ERBB4: variants seen among roughly 807,000 people sequenced by gnomAD.
ERBB4 encodes the protein erb-b2 receptor tyrosine kinase 4.
Under a neutral mutation model 158.0 loss-of-function variants are expected in ERBB4, and 42 were observed. The ratio of observed to expected loss-of-function variants is 0.27; its 90% CI spans 0.21 to 0.34. ERBB4 has a LOEUF of 0.34. Among genes scored for constraint, ERBB4 ranks in the 10% least tolerant of loss-of-function variants. The pLI, the probability that ERBB4 is intolerant of heterozygous loss-of-function variation, is 1.00. For synonymous variants in ERBB4, 583 were observed against 558.7 expected (o/e 1.04, Z -0.61); for missense variants, 1,333 against 1,624.1 (o/e 0.82, Z 3.08).
chr2:212,064,425 T>A (rs1001452707), intron 2 of ERBB4, among the ~76,000 whole-genome samples: 13 of 152,122 alleles, frequency 8.5e-5, no homozygotes, highest in African/African-American at 2.9e-4. Flanking sequence ...AGAAAGGAAC[T>A]GTGGCTGCTT....
chr2:212,050,004 A>G (rs2077358710), intron 2 of ERBB4, among the ~76,000 whole-genome samples: 1 of 152,174 alleles, frequency 6.6e-6, no homozygotes. Context: ...ACCTATACGA[A>G]TAGTGGTATT....
At chr2:211,732,191 G>A (rs1373042426) in intron 5 of ERBB4, among the ~76,000 whole-genome samples, 2 of 152,060 alleles carry the variant, frequency 1.3e-5, no homozygotes, top group Admixed American at 6.6e-5. Flanking sequence ...ATATTAAATT[G>A]CAGAAGAAAT....
intron 2 of ERBB4, among the ~76,000 whole-genome samples, chr2:211,963,168 C>T (rs939494954): frequency 2.6e-5 from 4 of 152,014 alleles, no homozygotes; most frequent in African/African-American, 7.2e-5. Flanking sequence ...AGACATCTGG[C>T]AATGTCTGGA....
Position 211,652,977 on chromosome 2 carries a change from A to C in ERBB4, c.1946+4777T>G, listed in dbSNP as rs80281216. On this transcript the variant is annotated intron_variant, in intron 16 of 27. Coordinates refer to ENST00000342788, the MANE Select transcript of ERBB4 (RefSeq NM_005235.3). ...TAAAAGAAATAAACAAACAAACAAA[A>C]AAAAATCTTTGGATATATATTTGAC... Among the ~76,000 whole-genome samples, 462 of 152,310 alleles carry C rather than the reference A, an allele frequency of 3.0e-3. 1 individual carries two copies. Among genetic ancestry groups the C allele is most frequent in the East Asian group, 9.5e-3 (49 of 5,184 alleles).
chr2:211,680,414 T>C (rs1176614770), intron 12 of ERBB4, among the ~76,000 whole-genome samples: 1 of 152,192 alleles, frequency 6.6e-6, no homozygotes, highest in Admixed American at 6.5e-5. Context: ...TTTCATGAAA[T>C]AATAATTCTA....
At chr2:212,074,022 G>C (rs1387144909) in intron 2 of ERBB4, among the ~76,000 whole-genome samples, 1 of 151,994 alleles carries the variant, frequency 6.6e-6, no homozygotes, top group Non-Finnish European at 1.5e-5. Context: ...ACACGCAAAT[G>C]CTGATCCAGC....
intron 2 of ERBB4, among the ~76,000 whole-genome samples, chr2:212,017,341 A>G (rs2076551717): frequency 6.6e-6 from 1 of 152,140 alleles, no homozygotes; most frequent in South Asian, 2.1e-4. Context: ...GCTTTGAGAG[A>G]CACACAACTC....
At chr2:211,482,931 A>T (rs559468831) in intron 20 of ERBB4, among the ~76,000 whole-genome samples, 23 of 152,206 alleles carry the variant, frequency 1.5e-4, no homozygotes, top group Admixed American at 3.9e-4. Context: ...ATAAAAATTT[A>T]AAAAAATCAA....
chr2:211,655,394 T>A (rs2071173259), intron 16 of ERBB4, among the ~76,000 whole-genome samples: 1 of 152,150 alleles, frequency 6.6e-6, no homozygotes, highest in South Asian at 2.1e-4. Context: ...AGCCAGGCAC[T>A]GTTCTAAGGA....
chr2:211,773,293 A>C (rs1055243979), intron 4 of ERBB4, among the ~76,000 whole-genome samples: 1 of 151,664 alleles, frequency 6.6e-6, no homozygotes, highest in Non-Finnish European at 1.5e-5. Flanking sequence ...GTAGAAACTA[A>C]TTAATAATTA....
At chr2:212,034,520 G>C (rs1470553290) in intron 2 of ERBB4, among the ~76,000 whole-genome samples, 1 of 151,850 alleles carries the variant, frequency 6.6e-6, no homozygotes, top group East Asian at 1.9e-4. Context: ...AAAGTGATCC[G>C]TACAATAATT....
chr2:211,751,333 GCCTCAACAAACGTAGTTGTCCCA>G (rs2106211017), intron 4 of ERBB4, among the ~76,000 whole-genome samples: 1 of 151,956 alleles, frequency 6.6e-6, no homozygotes, highest in East Asian at 1.9e-4. Context: ...ATAGGTATTT[GCCTCAACAAACGTAGTTGTCCCA>G]CAGAGAAATT....
In ERBB4 at chr2:212,391,708, A is replaced by AT. The variant is rs1560194691; in HGVS notation, c.82+146740dup. Among the ~76,000 whole-genome samples, 241 of 131,136 alleles carry AT rather than the reference A, an allele frequency of 1.8e-3. 1 individual carries two copies. Among genetic ancestry groups the AT allele is most frequent in the Middle Eastern group, 7.6e-3 (2 of 262 alleles). 86.0% of individuals were successfully genotyped at this position (131,136 alleles called of 152,430 possible). Reference sequence around the variant, plus strand: ...ATATATATTATATTATATATTATATATATTGACATATATATTATATATATG... The same window carrying AT: ...ATATATATTATATTATATATTATATATTATTGACATATATATTATATATATG... On this transcript the variant is annotated intron_variant, in intron 1 of 27. Transcript: ENST00000342788.
chr2:212,390,251 T>C (rs190446517), intron 1 of ERBB4, among the ~76,000 whole-genome samples: 273 of 152,002 alleles, frequency 1.8e-3, no homozygotes, highest in Middle Eastern at 6.8e-3. Context: ...GATTTGTACA[T>C]TGTACCACTT....
chr2:211,676,479 G>A (rs1228486073), intron 13 of ERBB4, among the ~76,000 whole-genome samples: 2 of 151,768 alleles, frequency 1.3e-5, no homozygotes, highest in African/African-American at 4.8e-5. Context: ...GATAGAAACT[G>A]GTGTATACAT....
At chr2:211,735,233 C>T (rs77338460) in intron 5 of ERBB4, among the ~76,000 whole-genome samples, 1 of 142,924 alleles carries the variant, frequency 7.0e-6, no homozygotes, top group Non-Finnish European at 1.5e-5. Context: ...AAAAAAAAAA[C>T]TATACTAAAA....
intron 1 of ERBB4, among the ~76,000 whole-genome samples, chr2:212,143,193 C>A (rs1441211170): frequency 1.3e-5 from 2 of 152,038 alleles, no homozygotes; most frequent in African/African-American, 4.8e-5. Flanking sequence ...AAAATCACCT[C>A]ATAATTTAAC....
intron 20 of ERBB4, among the ~76,000 whole-genome samples, chr2:211,441,474 C>T (rs905448162): frequency 6.6e-5 from 10 of 152,114 alleles, no homozygotes; most frequent in Admixed American, 6.6e-4. Context: ...TAGCTCCCTG[C>T]CTCTAAGAAG....
At chr2:212,129,775 A>G (rs541120407) in intron 1 of ERBB4, among the ~76,000 whole-genome samples, 31 of 152,180 alleles carry the variant, frequency 2.0e-4, no homozygotes, top group African/African-American at 7.0e-4. Context: ...ATTAATCACA[A>G]TACTCTATTT....
Sources: allele counts gnomAD v4.1 joint callset (sites outside exome capture counted in the v4.1 genomes callset), GRCh38; gene constraint gnomAD v4.1.1; transcripts MANE v1.5; gene names NCBI Gene and HGNC (gene_info 2026-07-23, HGNC 2026-07-21).